LRBA: variants seen among roughly 807,000 people sequenced by gnomAD.
LRBA encodes LPS responsive beige-like anchor protein, also known as lipopolysaccharide-responsive and beige-like anchor protein.
LRBA carries 176 observed loss-of-function variants against 330.0 expected under a neutral mutation model. That is an observed-to-expected ratio of 0.53 (90% CI 0.47 to 0.60). The LOEUF (loss-of-function observed/expected upper bound fraction) is 0.60, where lower values mean the gene tolerates loss of function less well. Among genes scored for constraint, LRBA ranks in the 20% least tolerant of loss-of-function variants. The pLI is 0.00. For missense variants in LRBA, 3,259 were observed against 3,444.8 expected (o/e 0.95, Z 1.35); for synonymous variants, 1,230 against 1,193.0 (o/e 1.03, Z -0.64).
intron 35 of LRBA, among the ~76,000 whole-genome samples, chr4:150,746,507 C>CT (rs923454215): frequency 0.044 from 6,053 of 136,484 alleles, 255 homozygotes; most frequent in African/African-American, 0.089. Flanking sequence ...GTTTCTCTTA[C>CT]TTTTTTTTTT....
chr4:150,535,495 T>C (rs973473218), intron 40 of LRBA, among the ~76,000 whole-genome samples: 35 of 152,216 alleles, frequency 2.3e-4, no homozygotes, highest in African/African-American at 8.2e-4. Flanking sequence ...TTCTTTGTTC[T>C]CTTTCTATAT....
chr4:150,526,386 G>C (rs1561304106), intron 40 of LRBA, among the ~76,000 whole-genome samples: 1 of 152,094 alleles, frequency 6.6e-6, no homozygotes, highest in Non-Finnish European at 1.5e-5. Context: ...GCATTCTTCT[G>C]TAACAGATGT....
chr4:150,293,465 G>C (rs1186285104), intron 53 of LRBA, among the ~76,000 whole-genome samples: 1 of 151,988 alleles, frequency 6.6e-6, no homozygotes, highest in Non-Finnish European at 1.5e-5. Context: ...GGTCTCTTTG[G>C]TGAAAAATCA....
intron 36 of LRBA, among the ~76,000 whole-genome samples, chr4:150,730,583 T>C (rs1357316028): frequency 6.7e-6 from 1 of 149,442 alleles, no homozygotes; most frequent in East Asian, 2.0e-4. Context: ...CTTGGGTGGC[T>C]GAGCCATGAG....
intron 40 of LRBA, among the ~76,000 whole-genome samples, chr4:150,572,487 T>G (rs548755082): frequency 6.6e-6 from 1 of 152,244 alleles, no homozygotes; most frequent in South Asian, 2.1e-4. Flanking sequence ...CTTTGCAGAA[T>G]ACATTTATAA....
chr4:150,447,407 G>A (rs1752748782), intron 44 of LRBA, among the ~76,000 whole-genome samples: 1 of 152,160 alleles, frequency 6.6e-6, no homozygotes, highest in African/African-American at 2.4e-5. Context: ...AGAGAAAGGA[G>A]GAATTTGCCC....
At chr4:150,948,691 C>G (rs1736489179) in intron 2 of LRBA, among the ~76,000 whole-genome samples, 1 of 151,880 alleles carries the variant, frequency 6.6e-6, no homozygotes, top group African/African-American at 2.4e-5. Flanking sequence ...GAGAAAATAT[C>G]TGCAAACCAA....
At chr4:150,555,762 C>CAT (rs1441291001) in intron 40 of LRBA, among the ~76,000 whole-genome samples, 1 of 149,966 alleles carries the variant, frequency 6.7e-6, no homozygotes, top group African/African-American at 2.5e-5. Flanking sequence ...TAAAAACACA[C>CAT]ACACACACAC....
chr4:150,765,413 G>C (rs564658840), intron 34 of LRBA, among the ~76,000 whole-genome samples: 2 of 152,166 alleles, frequency 1.3e-5, no homozygotes, highest in South Asian at 4.2e-4. Flanking sequence ...GACTTTGGGT[G>C]ATAATGATAT....
chr4:150,408,574 T>G (rs1746520104), intron 47 of LRBA, among the ~76,000 whole-genome samples: 1 of 152,208 alleles, frequency 6.6e-6, no homozygotes, highest in Non-Finnish European at 1.5e-5. Context: ...TAAAGTCAGA[T>G]GAGGATATCA....
intron 17 of LRBA, among the ~76,000 whole-genome samples, chr4:150,886,935 A>G (rs1030715513): frequency 2.6e-5 from 4 of 152,232 alleles, no homozygotes; most frequent in Admixed American, 2.6e-4. Context: ...AGGAGATACT[A>G]TAATTATGCT....
chr4:150,317,689 T>A (rs1731897288), intron 50 of LRBA, among the ~76,000 whole-genome samples: 1 of 152,166 alleles, frequency 6.6e-6, no homozygotes, highest in Non-Finnish European at 1.5e-5. Flanking sequence ...ACTTCTCTGA[T>A]AATCTGAGAT....
chr4:150,665,570 T>G (rs1474769722), intron 37 of LRBA, among the ~76,000 whole-genome samples: 2 of 152,192 alleles, frequency 1.3e-5, no homozygotes, highest in East Asian at 1.9e-4. Context: ...TTAATCAACC[T>G]CTACAACCAC....
At chr4:150,685,019 C>T (rs1247672978) in intron 36 of LRBA, among the ~76,000 whole-genome samples, 1 of 151,988 alleles carries the variant, frequency 6.6e-6, no homozygotes, top group Non-Finnish European at 1.5e-5. Flanking sequence ...GGGCAAAGTT[C>T]AAGATTTAGT....
At chr4:150,373,135 G>T (rs1244579237) in intron 47 of LRBA, among the ~76,000 whole-genome samples, 1 of 109,572 alleles carries the variant, frequency 9.1e-6, no homozygotes, top group African/African-American at 3.1e-5. Context: ...GTGTGTGTGT[G>T]TGTGTGTGTG....
chr4:151,007,482 GC>G (rs2149666533), intron 2 of LRBA, among the ~76,000 whole-genome samples: 1 of 148,528 alleles, frequency 6.7e-6, no homozygotes, highest in East Asian at 2.0e-4. Context: ...TCCAGCCTGG[GC>G]GACAGAGCGA....
chr4:150,671,227 A>C (rs1311274120), intron 37 of LRBA, among the ~76,000 whole-genome samples: 1 of 152,154 alleles, frequency 6.6e-6, no homozygotes, highest in Non-Finnish European at 1.5e-5. Context: ...TCTATGATTC[A>C]ACCCTTCCTG....
chr4:150,777,288 A>C (rs1325017188), intron 34 of LRBA, among the ~76,000 whole-genome samples: 3 of 152,042 alleles, frequency 2.0e-5, no homozygotes, highest in Non-Finnish European at 4.4e-5. Context: ...TACCAAATGG[A>C]ATTTGAGTTT....
At chr4:151,010,537 T>C (rs1744700684) in intron 2 of LRBA, among the ~76,000 whole-genome samples, 1 of 152,146 alleles carries the variant, frequency 6.6e-6, no homozygotes, top group African/African-American at 2.4e-5. Flanking sequence ...AAGTAATTTA[T>C]AACAGACTAA....
Sources: allele counts gnomAD v4.1 joint callset (sites outside exome capture counted in the v4.1 genomes callset), GRCh38; gene constraint gnomAD v4.1.1; transcripts MANE v1.5; gene names NCBI Gene and HGNC (gene_info 2026-07-23, HGNC 2026-07-21).